The following SAMTOR variants were observed in gnomAD, a reference collection of about 807,000 sequenced individuals.
SAMTOR encodes the protein UPF0532 protein C7orf60.
chr7:112,863,663 A>AAT, the SAMTOR span, among the ~76,000 whole-genome samples: 1 of 152,224 alleles, frequency 6.6e-6, no homozygotes, highest in Admixed American at 6.5e-5. Flanking sequence ...ACAGCCAAGA[A>AAT]TCATATGAAG....
chr7:112,886,664 AT>A, the SAMTOR span, among the ~76,000 whole-genome samples: 6 of 152,180 alleles, frequency 3.9e-5, no homozygotes, highest in Admixed American at 6.5e-5. Flanking sequence ...ACTTTGAACA[AT>A]AAAGACTATT....
the SAMTOR span, chr7:112,939,436 G>A: frequency 8.5e-7 from 1 of 1,172,084 alleles, no homozygotes; most frequent in Non-Finnish European, 1.2e-6. Context: ...ATGCCGACTA[G>A]GGGGCTCAGA....
the SAMTOR span, chr7:112,895,842 T>A: frequency 1.4e-6 from 1 of 702,048 alleles, no homozygotes; most frequent in Non-Finnish European, 2.1e-6. Flanking sequence ...CTTTCAAATT[T>A]AAGATTTCTG....
At chr7:112,851,491 A>T in the SAMTOR span, among the ~76,000 whole-genome samples, 1 of 152,326 alleles carries the variant, frequency 6.6e-6, no homozygotes, top group African/African-American at 2.4e-5. Flanking sequence ...GGATAGCCAT[A>T]TACAAAAGAA....
chr7:112,847,184 T>C, the SAMTOR span, among the ~76,000 whole-genome samples: 1 of 152,208 alleles, frequency 6.6e-6, no homozygotes, highest in African/African-American at 2.4e-5. Flanking sequence ...AAAATCTTAT[T>C]TGCAAGTTAA....
chr7:112,867,203 A>C, the SAMTOR span, among the ~76,000 whole-genome samples: 2 of 152,256 alleles, frequency 1.3e-5, no homozygotes. Flanking sequence ...TGTCAATCTT[A>C]ATACAATTGA....
chr7:112,896,682 C>G, the SAMTOR span, among the ~76,000 whole-genome samples: 1 of 152,134 alleles, frequency 6.6e-6, no homozygotes, highest in South Asian at 2.1e-4. Context: ...TTGTTACCCT[C>G]AAGAAGCTAC....
chr7:112,911,479 G>GC, the SAMTOR span, among the ~76,000 whole-genome samples: 1 of 151,960 alleles, frequency 6.6e-6, no homozygotes. Context: ...TGGAGAAAAA[G>GC]GGTATTTATG....
At chr7:112,923,242 T>C in the SAMTOR span, among the ~76,000 whole-genome samples, 2 of 152,102 alleles carry the variant, frequency 1.3e-5, no homozygotes, top group Non-Finnish European at 2.9e-5. Context: ...TTAAGGGCGG[T>C]GCAAGATGTG....
the SAMTOR span, among the ~76,000 whole-genome samples, chr7:112,903,683 C>G: frequency 6.6e-6 from 1 of 151,970 alleles, no homozygotes; most frequent in Non-Finnish European, 1.5e-5. Context: ...AGAAAAAGGA[C>G]CCAGAGGAGA....
chr7:112,917,903 G>A, the SAMTOR span, among the ~76,000 whole-genome samples: 1 of 152,100 alleles, frequency 6.6e-6, no homozygotes, highest in Non-Finnish European at 1.5e-5. Flanking sequence ...AGAGAAAAAA[G>A]AATAAAAAGA....
the SAMTOR span, among the ~76,000 whole-genome samples, chr7:112,872,586 C>G: frequency 3.3e-5 from 5 of 152,020 alleles, no homozygotes; most frequent in Non-Finnish European, 5.9e-5. Flanking sequence ...CTCATCACTC[C>G]TATTCAACAT....
chr7:112,829,238 T>C, the SAMTOR span, among the ~76,000 whole-genome samples: 1 of 152,206 alleles, frequency 6.6e-6, no homozygotes, highest in Non-Finnish European at 1.5e-5. Flanking sequence ...CAACATCTAA[T>C]ATGCATTAAT....
chr7:112,895,919 TA>T, the SAMTOR span, among the ~76,000 whole-genome samples: 1 of 152,242 alleles, frequency 6.6e-6, no homozygotes, highest in Admixed American at 6.5e-5. Flanking sequence ...TAAAAATTAC[TA>T]TACAATAAAG....
At chr7:112,903,237 T>A in the SAMTOR span, among the ~76,000 whole-genome samples, 1,619 of 151,140 alleles carry the variant, frequency 0.011, 31 homozygotes, top group African/African-American at 0.037. Flanking sequence ...TGCTTAACCC[T>A]GGAAGTGGAG....
chr7:112,844,795 T>A, the SAMTOR span, among the ~76,000 whole-genome samples: 2 of 152,182 alleles, frequency 1.3e-5, no homozygotes, highest in South Asian at 4.1e-4. Flanking sequence ...GCCAAGGCAA[T>A]CCTAAGCAAA....
chr7:112,873,155 A>C, the SAMTOR span, among the ~76,000 whole-genome samples: 1 of 152,152 alleles, frequency 6.6e-6, no homozygotes, highest in African/African-American at 2.4e-5. Flanking sequence ...GGCAATGTAC[A>C]GATTCAATGC....
At chr7:112,865,192 TAAACCC>T in the SAMTOR span, among the ~76,000 whole-genome samples, 1 of 152,184 alleles carries the variant, frequency 6.6e-6, no homozygotes, top group Non-Finnish European at 1.5e-5. Context: ...GCTTATGCCT[TAAACCC>T]AGCACTTTGG....
At chr7:112,836,809 T>G in the SAMTOR span, among the ~76,000 whole-genome samples, 1 of 152,144 alleles carries the variant, frequency 6.6e-6, no homozygotes, top group Non-Finnish European at 1.5e-5. Flanking sequence ...TGTGTCTGTT[T>G]TGGTACCAGT....
Sources: gnomAD v4.1 joint callset for allele counts (sites outside exome capture counted in the v4.1 genomes callset) on GRCh38, gnomAD v4.1.1 for gene constraint, MANE v1.5 for transcripts, NCBI Gene and HGNC (gene_info 2026-07-23, HGNC 2026-07-21) for gene names.